Variants in PPIP5K2 observed in about 807,000 individuals in gnomAD.
PPIP5K2 encodes diphosphoinositol pentakisphosphate kinase 2, also known as inositol hexakisphosphate and diphosphoinositol-pentakisphosphate kinase 2.
In PPIP5K2, 105 loss-of-function variants were observed where a neutral mutation model predicts 154.6. The ratio of observed to expected loss-of-function variants is 0.68; its 90% CI spans 0.58 to 0.80. The LOEUF (loss-of-function observed/expected upper bound fraction) is 0.80. Among genes scored for constraint, PPIP5K2 ranks in the 30% least tolerant of loss-of-function variants. PPIP5K2 has a pLI of 0.00. For synonymous variants in PPIP5K2, 480 were observed against 490.3 expected, an observed-to-expected ratio of 0.98 and a Z score of 0.28; for missense variants, 992 against 1,504.6, an observed-to-expected ratio of 0.66 and a Z score of 5.64.
chr5:103,124,918 G>A (rs1305404533), intron 1 of PPIP5K2, among the ~76,000 whole-genome samples: 1 of 152,200 alleles, frequency 6.6e-6, no homozygotes, highest in African/African-American at 2.4e-5. Context: ...GATTTATGTT[G>A]TGGAGGGATA....
intron 8 of PPIP5K2, among the ~76,000 whole-genome samples, chr5:103,149,564 C>T (rs2149554233): frequency 6.6e-6 from 1 of 151,990 alleles, no homozygotes; most frequent in South Asian, 2.1e-4. Flanking sequence ...CTCAGCTGAT[C>T]AGTGTTTTAG....
At chr5:103,176,849 T>C (rs1554221091) in intron 21 of PPIP5K2, 1 of 1,354,706 alleles carries the variant, frequency 7.4e-7, no homozygotes, top group Non-Finnish European at 1.0e-6. Flanking sequence ...TGATGCTCTA[T>C]GATTACATGT....
At chr5:103,129,739 C>T (rs1554202080) in intron 2 of PPIP5K2, 36 bp downstream of exon 2, 10 of 1,566,314 alleles carry the variant, frequency 6.4e-6, no homozygotes, top group East Asian at 2.3e-5. Flanking sequence ...GAGAGAAGAC[C>T]AATACAGTAT....
In PPIP5K2 at chr5:103,183,244, C is replaced by T. The variant is rs1799848927; in HGVS notation, c.2933C>T (p.Pro978Leu). 5 of 1,198,786 alleles carry T rather than the reference C, an allele frequency of 4.2e-6. No individual in the cohort carries two copies. Among genetic ancestry groups the T allele is most frequent in the Non-Finnish European group, 4.3e-6 (4 of 939,372 alleles). The allele number at this position is 1,198,786 out of a possible 1,614,324, so 74.3% of individuals were successfully genotyped here. A position where few individuals can be genotyped will look rare whatever the true frequency, so the allele number is the denominator to read the frequency against. The change falls in exon 25 of 31, where the codon CCC becomes CTC. Residue 978 changes from proline to leucine, a missense_variant. By Grantham distance (98) the Pro-to-Leu change is moderately conservative (BLOSUM62 -3). Transcript: ENST00000358359. ...RKTATNDEES[P>L]LSVSSPEGTG... Reference sequence around the variant, plus strand: ...CTTTCTCACTTCCAGGAAGAGAGCCCCCTGAGTGTGTCTAGCCCAGAGGGT... The same window carrying T: ...CTTTCTCACTTCCAGGAAGAGAGCCTCCTGAGTGTGTCTAGCCCAGAGGGT...
Position 103,204,135 on chromosome 5 carries a change from C to A in PPIP5K2, c.*2501C>A, listed in dbSNP as rs1454636005. On this transcript the variant is annotated 3_prime_UTR_variant, in exon 31 of 31. Coordinates refer to ENST00000358359, the MANE Select transcript of PPIP5K2 (RefSeq NM_001276277.3). ...TTCTTTTTGGGTTGACTCTGTCTGA[C>A]CTAAATGTCCACTGTTAACTAGTGC... 2 of 152,194 alleles carry A rather than the reference C, an allele frequency of 1.3e-5. No homozygotes were observed. The highest frequency in any genetic ancestry group is 2.9e-5 in the Non-Finnish European group (2 of 68,034). The allele number at this position is 152,194 out of a possible 1,614,324, so 9.4% of individuals were successfully genotyped here.
At chr5:103,196,144 C>G (rs150198845) in intron 30 of PPIP5K2, among the ~76,000 whole-genome samples, 1,669 of 152,278 alleles carry the variant, frequency 0.011, 14 homozygotes, top group Middle Eastern at 0.024. Context: ...ATTCCCTTAG[C>G]ATTCATGCCA....
rs552270578 is a variant in PPIP5K2 at position 103,159,363 on chromosome 5, T to TAC, written c.1920+45_1920+46dup. ...AGCAAACTCTTATATTGTGAAATAT[T>TAC]ACACACACACAGAAAAGTGATAAGT... On this transcript the variant is annotated intron_variant, in intron 17 of 30. Coordinates refer to ENST00000358359, the MANE Select transcript of PPIP5K2 (RefSeq NM_001276277.3). 4.3e-3 allele frequency: 6,499 copies of TAC among 1,501,252 alleles called. 28 individuals carry two copies. Among genetic ancestry groups the TAC allele is most frequent in the Middle Eastern group, 5.5e-3 (31 of 5,632 alleles). 93.0% of individuals were successfully genotyped at this position (1,501,252 alleles called of 1,614,324 possible).
At chr5:103,182,850 T>C (rs185760158) in intron 24 of PPIP5K2, among the ~76,000 whole-genome samples, 27 of 152,216 alleles carry the variant, frequency 1.8e-4, no homozygotes, top group Middle Eastern at 6.8e-3. Context: ...TTTGAATATC[T>C]TAAATTAAGC....
rs936720774 is a variant in PPIP5K2, at chr5:103,187,451, G to A, written c.3352+75G>A. On this transcript the variant is annotated intron_variant, in intron 28 of 30. Transcript: ENST00000358359. ...TTATTTTTATTTTATTTCAAAATGT[G>A]GGGTATACAGTATCATTCATTTCTT... 5 of 1,160,814 alleles carry A rather than the reference G, an allele frequency of 4.3e-6. No individual in the cohort carries two copies. In the African/African-American group the frequency reaches 7.8e-5, roughly 18 times the overall value. The allele number at this position is 1,160,814 out of a possible 1,614,324, so 71.9% of individuals were successfully genotyped here.
In PPIP5K2 at chr5:103,133,780, T is replaced by C. The variant is rs1791030675; in HGVS notation, c.310+132T>C. ...CTTTCATGGACAGGTAATATTAACA[T>C]TGTGATATATTTCTTTCCAGTGTTT... On this transcript the variant is annotated intron_variant, in intron 3 of 30. Coordinates refer to ENST00000358359, the MANE Select transcript of PPIP5K2 (RefSeq NM_001276277.3). The C allele has an allele frequency of 6.2e-6, 4 of 643,500 alleles. No homozygotes were observed. The African/African-American group carries it at 7.6e-5, about 12-fold the overall frequency. 39.9% of individuals were successfully genotyped at this position (643,500 alleles called of 1,614,324 possible).
intron 30 of PPIP5K2, among the ~76,000 whole-genome samples, chr5:103,199,432 A>C (rs1199561988): frequency 6.6e-6 from 1 of 152,058 alleles, no homozygotes; most frequent in Non-Finnish European, 1.5e-5. Flanking sequence ...TCTGGGTAGA[A>C]AATTTTTTAT....
At position 103,195,003 on chromosome 5, in the gene PPIP5K2, C is replaced by T; in HGVS notation, c.3597C>T (p.Ser1199=). ...ILPTPPATLK[S]TKASSKPATS... ...CAACACCACCAGCTACCTTAAAGAG[C>T]ACTAAAGCAAGCAGCAAACCAGGTA... The change falls in exon 30 of 31, where the codon AGC becomes AGT. Residue 1199 remains serine (S), a synonymous_variant. Transcript: ENST00000358359. 5 of 1,613,630 alleles carry T rather than the reference C, an allele frequency of 3.1e-6. No individual in the cohort carries two copies. Among genetic ancestry groups the T allele is most frequent in the Non-Finnish European group, 4.2e-6 (5 of 1,179,738 alleles).
chr5:103,169,508 C>T (rs1383121458), intron 19 of PPIP5K2, among the ~76,000 whole-genome samples: 1 of 151,692 alleles, frequency 6.6e-6, no homozygotes, highest in Non-Finnish European at 1.5e-5. Context: ...AGAATTCATA[C>T]AATTGTACAA....
chr5:103,123,952 A>G (rs951039617), intron 1 of PPIP5K2, among the ~76,000 whole-genome samples: 1 of 152,170 alleles, frequency 6.6e-6, no homozygotes, highest in Non-Finnish European at 1.5e-5. Context: ...AATACAAACC[A>G]TTTTGAATGT....
Position 103,150,977 on chromosome 5 carries a change from A to G in PPIP5K2, c.907-276A>G, listed in dbSNP as rs1794560899. ...TAATTGAAGAACTTTGTGATCAAAT[A>G]TATTATTTTTGGGCCTCTGTAGCCC... is the stretch of plus-strand genomic sequence containing the variant. On this transcript the variant is annotated intron_variant, in intron 8 of 30. Transcript: ENST00000358359. Among the ~76,000 whole-genome samples the G allele has an allele frequency of 4.0e-5, 6 of 150,020 alleles. No homozygotes were observed. In the South Asian group the frequency reaches 1.3e-3, roughly 31 times the overall value.
intron 5 of PPIP5K2, among the ~76,000 whole-genome samples, chr5:103,144,890 A>G (rs140459942): frequency 6.6e-6 from 1 of 152,268 alleles, no homozygotes; most frequent in Non-Finnish European, 1.5e-5. Flanking sequence ...AACCCAGGCA[A>G]CCAAAGCAAA....
intron 24 of PPIP5K2, among the ~76,000 whole-genome samples, chr5:103,181,365 C>T (rs973661383): frequency 4.6e-5 from 7 of 151,658 alleles, no homozygotes; most frequent in Admixed American, 1.3e-4. Flanking sequence ...GTCAGGAGTT[C>T]GAGAGCAGCC....
At chr5:103,142,345 A>AGCCCAC (rs1554207231) in intron 5 of PPIP5K2, among the ~76,000 whole-genome samples, 2 of 152,174 alleles carry the variant, frequency 1.3e-5, no homozygotes, top group African/African-American at 4.8e-5. Context: ...GCCAAGCCCA[A>AGCCCAC]GCCCACGCCC....
intron 30 of PPIP5K2, 105 bp from the exon 31 acceptor site, chr5:103,201,417 C>T: frequency 4.5e-6 from 3 of 660,860 alleles, no homozygotes; most frequent in South Asian, 4.8e-5. Context: ...ATTTACATCA[C>T]AATTATAACA....
Sources: allele counts gnomAD v4.1 joint callset (sites outside exome capture counted in the v4.1 genomes callset), GRCh38; gene constraint gnomAD v4.1.1; transcripts MANE v1.5; gene names NCBI Gene and HGNC (gene_info 2026-07-23, HGNC 2026-07-21).